LRMDA: variants seen among roughly 807,000 people sequenced by gnomAD.
The protein encoded by LRMDA is leucine rich melanocyte differentiation associated.
Under a neutral mutation model 29.8 loss-of-function variants are expected in LRMDA, and 18 were observed. The observed-to-expected ratio is 0.60, with a 90% CI of 0.42 to 0.90. LRMDA has a LOEUF of 0.90. Ranked by LOEUF, LRMDA falls within the 40% of genes least tolerant of loss-of-function variation. LRMDA has a pLI of 0.00. For missense variants in LRMDA, 273 were observed against 273.9 expected (o/e 1.00, Z 0.02); for synonymous variants, 125 against 109.4 (o/e 1.14, Z -0.89).
chr10:76,346,482 C>G (rs1442010343), intron 6 of LRMDA: 7 of 152,080 alleles, frequency 4.6e-5, no homozygotes, highest in Admixed American at 4.6e-4. Context: ...TACTCTGTCA[C>G]TGTTGAGGAA....
chr10:76,500,591 C>T (rs1842902559), intron 6 of LRMDA, among the ~76,000 whole-genome samples: 1 of 74,904 alleles, frequency 1.3e-5, no homozygotes, highest in Admixed American at 1.2e-4. Context: ...TATAAATTCC[C>T]TTAGGACTCT....
intron 2 of LRMDA, among the ~76,000 whole-genome samples, chr10:75,646,411 CG>C (rs1328401867): frequency 3.9e-5 from 6 of 152,142 alleles, no homozygotes; most frequent in African/African-American, 1.4e-4. Context: ...CGTGCAGCAC[CG>C]GGCTCTTGCC....
At chr10:76,286,770 AAAT>A (rs1374332543) in intron 5 of LRMDA, among the ~76,000 whole-genome samples, 3 of 152,186 alleles carry the variant, frequency 2.0e-5, no homozygotes, top group African/African-American at 7.2e-5. Context: ...TTGGGAGTAG[AAAT>A]AACTTAAAGG....
At chr10:75,525,954 G>A (rs1229036991) in intron 2 of LRMDA, among the ~76,000 whole-genome samples, 2 of 151,742 alleles carry the variant, frequency 1.3e-5, no homozygotes, top group Non-Finnish European at 2.9e-5. Flanking sequence ...CAATTTGATT[G>A]TAAAACTCCT....
chr10:75,717,406 C>A (rs1240998702), intron 2 of LRMDA, among the ~76,000 whole-genome samples: 6 of 152,204 alleles, frequency 3.9e-5, no homozygotes, highest in South Asian at 2.1e-4. Flanking sequence ...ATCGTGGGAT[C>A]CTGCAACAGA....
intron 2 of LRMDA, among the ~76,000 whole-genome samples, chr10:75,477,142 C>A (rs1844805110): frequency 6.6e-6 from 1 of 152,066 alleles, no homozygotes; most frequent in Non-Finnish European, 1.5e-5. Context: ...AGGTGTATAC[C>A]ATCACCTAGC....
intron 6 of LRMDA, among the ~76,000 whole-genome samples, chr10:76,374,445 G>A (rs553733622): frequency 6.6e-6 from 1 of 152,236 alleles, no homozygotes; most frequent in South Asian, 2.1e-4. Context: ...AATCAAAACA[G>A]AGCATACTGC....
chr10:76,548,510 A>T (rs1162963052), intron 6 of LRMDA, among the ~76,000 whole-genome samples: 1 of 151,590 alleles, frequency 6.6e-6, no homozygotes, highest in Non-Finnish European at 1.5e-5. Flanking sequence ...TGCTAAGAAG[A>T]TTTAGCAGTT....
intron 2 of LRMDA, among the ~76,000 whole-genome samples, chr10:75,620,811 T>A (rs981832153): frequency 6.6e-6 from 1 of 152,254 alleles, no homozygotes; most frequent in Non-Finnish European, 1.5e-5. Flanking sequence ...TCTATTCTAT[T>A]GCCATTTTGT....
intron 2 of LRMDA, among the ~76,000 whole-genome samples, chr10:75,890,976 T>A (rs577243398): frequency 4.3e-4 from 66 of 152,192 alleles, no homozygotes; most frequent in Middle Eastern, 6.8e-3. Context: ...TGGTGGCATA[T>A]GCCTGTAATC....
intron 5 of LRMDA, among the ~76,000 whole-genome samples, chr10:76,295,922 C>T (rs1840406480): frequency 6.6e-6 from 1 of 152,182 alleles, no homozygotes; most frequent in Non-Finnish European, 1.5e-5. Context: ...ACTGATACAT[C>T]TTTGGAATTA....
At chr10:76,145,436 G>A (rs1850295713) in intron 5 of LRMDA, among the ~76,000 whole-genome samples, 2 of 152,152 alleles carry the variant, frequency 1.3e-5, no homozygotes, top group South Asian at 4.2e-4. Flanking sequence ...TATGTGTCAA[G>A]GAATTTATCT....
chr10:75,856,147 A>T (rs1465947871), intron 2 of LRMDA, among the ~76,000 whole-genome samples: 2 of 152,090 alleles, frequency 1.3e-5, no homozygotes, highest in African/African-American at 4.8e-5. Context: ...TCTATAAATT[A>T]CCTTGGGCAG....
At chr10:76,388,221 G>C (rs58389777) in intron 6 of LRMDA, among the ~76,000 whole-genome samples, 1 of 152,190 alleles carries the variant, frequency 6.6e-6, no homozygotes, top group Non-Finnish European at 1.5e-5. Context: ...CACTTATGTA[G>C]ATCTTCTAGT....
intron 5 of LRMDA, among the ~76,000 whole-genome samples, chr10:76,242,958 G>A (rs567653090): frequency 5.3e-5 from 8 of 152,224 alleles, no homozygotes; most frequent in African/African-American, 1.9e-4. Context: ...GCTCTTCCAC[G>A]TTTAGACCCA....
intron 2 of LRMDA, among the ~76,000 whole-genome samples, chr10:75,725,805 G>A (rs576679526): frequency 6.6e-5 from 10 of 152,294 alleles, no homozygotes; most frequent in Admixed American, 2.0e-4. Flanking sequence ...TACCTTGCCT[G>A]TTTGACTGGG....
intron 5 of LRMDA, among the ~76,000 whole-genome samples, chr10:76,264,821 C>T (rs1461654486): frequency 2.0e-5 from 3 of 152,146 alleles, no homozygotes; most frequent in African/African-American, 4.8e-5. Context: ...CCATGCTTAA[C>T]CTTTTGGACT....
intron 5 of LRMDA, among the ~76,000 whole-genome samples, chr10:76,160,099 G>A (rs1225908860): frequency 6.6e-6 from 1 of 152,032 alleles, no homozygotes. Flanking sequence ...ATGTTGATAA[G>A]GGGGGAGGCT....
intron 2 of LRMDA, among the ~76,000 whole-genome samples, chr10:76,007,418 G>A (rs1005714672): frequency 2.0e-5 from 3 of 152,124 alleles, no homozygotes; most frequent in Non-Finnish European, 2.9e-5. Context: ...GCATGGAGCA[G>A]GGCTACAGGG....
Sources: gnomAD v4.1 joint callset for allele counts (sites outside exome capture counted in the v4.1 genomes callset) on GRCh38, gnomAD v4.1.1 for gene constraint, MANE v1.5 for transcripts, NCBI Gene and HGNC (gene_info 2026-07-23, HGNC 2026-07-21) for gene names.